The following TNN variants were observed in gnomAD, a reference collection of about 807,000 sequenced individuals.
TNN encodes tenascin-N.
A neutral mutation model predicts 134.4 loss-of-function variants in TNN; 122 were observed. The observed-to-expected ratio is 0.91, with a 90% CI of 0.78 to 1.06. TNN has a LOEUF of 1.06. Ranked by LOEUF, TNN falls within the 50% of genes least tolerant of loss-of-function variation. The probability of loss-of-function intolerance (pLI) is 0.00; values close to 1 mark genes in which losing one functional copy is unlikely to be tolerated. For missense variants in TNN, 1,739 were observed against 1,699.4 expected, an observed-to-expected ratio of 1.02 and a Z score of -0.41; for synonymous variants, 710 against 670.3, an observed-to-expected ratio of 1.06 and a Z score of -0.91.
rs1454700067 is a variant in TNN at position 175,118,616 on chromosome 1, T to A, written c.2442T>A (p.Thr814=). 1.2e-6 allele frequency: 2 copies of A among 1,614,074 alleles called. No homozygotes were observed. The change falls in exon 11 of 19, where the codon ACT becomes ACA. Residue 814 remains threonine (T), a synonymous_variant. Transcript: ENST00000239462. ...VTDWVTENTA[T]VSWDPVQATI... Reference sequence around the variant, plus strand: ...ACTGGGTGACAGAGAATACAGCCACTGTCTCCTGGGACCCGGTGCAGGCCA... The same window carrying A: ...ACTGGGTGACAGAGAATACAGCCACAGTCTCCTGGGACCCGGTGCAGGCCA...
At chr1:175,081,377 A>G (rs2149427731) in intron 4 of TNN, among the ~76,000 whole-genome samples, 1 of 152,300 alleles carries the variant, frequency 6.6e-6, no homozygotes, top group East Asian at 1.9e-4. Flanking sequence ...ATTCCTTCAC[A>G]CAGTACATTT....
Position 175,079,435 on chromosome 1 carries a change from GCCCCGGGGCGT to G in TNN, c.513_523del (p.Cys171TrpfsTer16). 6.3e-7 allele frequency: 1 copy of G among 1,582,114 alleles called. No individual in the cohort carries two copies. The highest frequency in any genetic ancestry group is 1.1e-5 in the South Asian group (1 of 88,378). ...GGCCCCGCCTGCGAGCGGCTGGCCT[GCCCCGGGGCGT>G]GCAGCGGCCACGGGCGTTGCGTGGA... On this transcript the variant is annotated frameshift_variant, in exon 3 of 19. Coordinates refer to ENST00000239462, the MANE Select transcript of TNN (RefSeq NM_022093.2). LOFTEE classifies it high-confidence loss of function.
chr1:175,071,188 C>A (rs1433287505), intron 1 of TNN, among the ~76,000 whole-genome samples: 1 of 152,182 alleles, frequency 6.6e-6, no homozygotes, highest in Non-Finnish European at 1.5e-5. Flanking sequence ...CCAGAGAAAG[C>A]CCTGAATTTA....
At chr1:175,094,981 T>C (rs1479043137) in intron 7 of TNN, among the ~76,000 whole-genome samples, 3 of 152,184 alleles carry the variant, frequency 2.0e-5, no homozygotes, top group African/African-American at 7.2e-5. Context: ...AGCAGAGAGA[T>C]GGTTAGGAAT....
intron 1 of TNN, among the ~76,000 whole-genome samples, chr1:175,076,966 C>T (rs1674055686): frequency 6.6e-6 from 1 of 152,168 alleles, no homozygotes; most frequent in Non-Finnish European, 1.5e-5. Context: ...TAGAATAGTG[C>T]CTGTCACATA....
chr1:175,074,242 G>A (rs1478526329), intron 1 of TNN, among the ~76,000 whole-genome samples: 1 of 152,080 alleles, frequency 6.6e-6, no homozygotes, highest in Non-Finnish European at 1.5e-5. Flanking sequence ...TAGCACTTTG[G>A]GGAGCTGAGG....
rs1197394458 is a variant in TNN at position 175,144,444 on chromosome 1, A to C, written c.3653A>C (p.Asp1218Ala). Residue 1218 changes from aspartate to alanine, a missense_variant, in exon 18 of 19, where the codon GAT becomes GCT. By Grantham distance (126) the Asp-to-Ala change is moderately radical. Coordinates refer to ENST00000239462, the MANE Select transcript of TNN (RefSeq NM_022093.2). The part of the protein sequence containing the change: ...WKFTTFDRDN[D>A]IALSNCALTH... ...TTTACAACTTTTGACAGAGACAATG[A>C]TATCGCACTCAGCAACTGTGCCCTG... 3 of 1,614,190 alleles carry C rather than the reference A, an allele frequency of 1.9e-6. No individual in the cohort carries two copies. The highest frequency in any genetic ancestry group is 2.5e-6 in the Non-Finnish European group (3 of 1,180,006).
At position 175,084,760 on chromosome 1, in the gene TNN, T is replaced by C. The variant is rs143979219; in HGVS notation, c.1235-645T>C. Among the ~76,000 whole-genome samples, 2 of 152,320 alleles carry C rather than the reference T, an allele frequency of 1.3e-5. 1 individual carries two copies. The highest frequency in any genetic ancestry group is 3.9e-4 in the East Asian group (2 of 5,186). On this transcript the variant is annotated intron_variant, in intron 5 of 18. Coordinates refer to ENST00000239462, the MANE Select transcript of TNN (RefSeq NM_022093.2). ...CACACAAGCTTCTGTTTGTCTGCAT[T>C]TTACCACCACAGTCTGAATATTTGT...
chr1:175,122,417 C>T (rs113506858), intron 11 of TNN, among the ~76,000 whole-genome samples: 1,657 of 101,038 alleles, frequency 0.016, 28 homozygotes, highest in African/African-American at 0.055. Flanking sequence ...CAACAAATAA[C>T]AGAGAAAGGG....
At chr1:175,103,492 A>C (rs6678745) in intron 9 of TNN, among the ~76,000 whole-genome samples, 37,725 of 144,868 alleles carry the variant, frequency 0.26, 8,192 homozygotes, top group African/African-American at 0.32. Flanking sequence ...TATGGGTTGA[A>C]GATCCACATA....
At chr1:175,126,264 G>T (rs1291612863) in intron 12 of TNN, among the ~76,000 whole-genome samples, 1 of 151,720 alleles carries the variant, frequency 6.6e-6, no homozygotes, top group Non-Finnish European at 1.5e-5. Context: ...ACCATACCCG[G>T]CTAATTTTTG....
In TNN at chr1:175,138,068, G is replaced by A. The variant is rs75959133; in HGVS notation, c.3595+1080G>A. ...GGCCTGGGGGCTTTAGGGTGAGTAG[G>A]GACTGAGCAGAGGCAAGAATGCTGG... On this transcript the variant is annotated intron_variant, in intron 17 of 18. Transcript: ENST00000239462. 2.0e-5 allele frequency among the ~76,000 whole-genome samples: 3 copies of A among 152,220 alleles called. No individual in the cohort carries two copies. In the South Asian group the frequency reaches 6.2e-4, roughly 32 times the overall value.
At position 175,146,910 on chromosome 1, in the gene TNN, CTT is replaced by C. The variant is rs11450833; in HGVS notation, c.3760-7_3760-6del. The C allele has an allele frequency of 3.3e-3, 4,433 of 1,327,272 alleles. No individual in the cohort carries two copies. Among genetic ancestry groups the C allele is most frequent in the South Asian group, 0.014 (761 of 56,074 alleles). 82.2% of individuals were successfully genotyped at this position (1,327,272 alleles called of 1,614,324 possible). ...TCCTAAGAGCCTCTTCTTGATGTGG[CTT>C]TTTTTTTTTTTTTGGTAGGGGGTGA... On this transcript the variant is annotated intron_variant, in intron 18 of 18. Transcript: ENST00000239462.
chr1:175,090,368 A>G (rs1244502893), intron 6 of TNN, among the ~76,000 whole-genome samples: 1 of 152,234 alleles, frequency 6.6e-6, no homozygotes, highest in East Asian at 1.9e-4. Context: ...TGTGAAAACA[A>G]GAGTACAGAA....
intron 7 of TNN, among the ~76,000 whole-genome samples, chr1:175,096,606 G>A (rs1356088423): frequency 6.6e-6 from 1 of 152,182 alleles, no homozygotes; most frequent in African/African-American, 2.4e-5. Context: ...ACACACAATT[G>A]CTTGGATTTT....
At chr1:175,098,064 A>T (rs1674616405) in intron 8 of TNN, among the ~76,000 whole-genome samples, 1 of 152,182 alleles carries the variant, frequency 6.6e-6, no homozygotes, top group Non-Finnish European at 1.5e-5. Context: ...GGAGGTTGTG[A>T]TGTGCCATAT....
At chr1:175,104,397 T>G (rs2149435057) in intron 9 of TNN, among the ~76,000 whole-genome samples, 1 of 145,972 alleles carries the variant, frequency 6.9e-6, no homozygotes, top group African/African-American at 2.5e-5. Context: ...CTTCATCCTC[T>G]GGGGCAGTGC....
rs564681208 is a variant in TNN at position 175,135,792 on chromosome 1, A to C, written c.3331-53A>C. The C allele has an allele frequency of 1.6e-5, 23 of 1,432,306 alleles. 1 individual carries two copies. The East Asian group carries it at 5.0e-4, about 31-fold the overall frequency. 88.7% of individuals were successfully genotyped at this position (1,432,306 alleles called of 1,614,324 possible). ...AGCTCTTGGTCTTCTCTTGTCTCCC[A>C]GCACCTATGTCTGTTTGGAGGGTCA... is the stretch of plus-strand genomic sequence containing the variant. On this transcript the variant is annotated intron_variant, in intron 15 of 18. Transcript: ENST00000239462.
chr1:175,095,799 C>T lies in TNN; in HGVS notation c.1588+1546C>T, dbSNP rs189956315. On this transcript the variant is annotated intron_variant, in intron 7 of 18. Transcript: ENST00000239462. ...GTGTTCCCCAGGCTGGTCTCGAACT[C>T]CTGAGCTCAAGCAATCCACCCTCCT... is the stretch of plus-strand genomic sequence containing the variant. Among the ~76,000 whole-genome samples, 168 of 152,312 alleles carry T rather than the reference C, an allele frequency of 1.1e-3. 1 individual carries two copies. Among genetic ancestry groups the T allele is most frequent in the African/African-American group, 3.9e-3 (163 of 41,556 alleles).
Sources: allele counts gnomAD v4.1 joint callset (sites outside exome capture counted in the v4.1 genomes callset), GRCh38; gene constraint gnomAD v4.1.1; transcripts MANE v1.5; gene names NCBI Gene and HGNC (gene_info 2026-07-23, HGNC 2026-07-21).